The following IQCH variants were observed in gnomAD, a reference collection of about 807,000 sequenced individuals.
IQCH encodes IQ motif containing H.
A neutral mutation model predicts 117.0 loss-of-function variants in IQCH; 98 were observed. The ratio of observed to expected loss-of-function variants is 0.84; its 90% CI spans 0.71 to 0.99. The LOEUF (loss-of-function observed/expected upper bound fraction) is 0.99. IQCH is among the 50% of genes least tolerant of loss of function. The probability of loss-of-function intolerance (pLI) is 0.00; values close to 1 mark genes in which losing one functional copy is unlikely to be tolerated. For synonymous variants in IQCH, 412 were observed against 448.2 expected (o/e 0.92, Z 1.02); for missense variants, 1,102 against 1,243.8 (o/e 0.89, Z 1.72).
chr15:67,286,056 T>C (rs1251636483), intron 4 of IQCH, among the ~76,000 whole-genome samples: 1 of 152,214 alleles, frequency 6.6e-6, no homozygotes, highest in Admixed American at 6.5e-5. Flanking sequence ...TATTGATTCT[T>C]CCAATCCATG....
At chr15:67,415,387 G>A (rs1287528833) in intron 14 of IQCH, among the ~76,000 whole-genome samples, 1 of 152,162 alleles carries the variant, frequency 6.6e-6, no homozygotes, top group Non-Finnish European at 1.5e-5. Flanking sequence ...CCTGAGCTGA[G>A]TGTGAGCCAG....
chr15:67,329,235 G>A (rs1968550234), intron 4 of IQCH, among the ~76,000 whole-genome samples: 1 of 151,562 alleles, frequency 6.6e-6, no homozygotes, highest in Non-Finnish European at 1.5e-5. Context: ...GGAGGTCGAG[G>A]CTGTAGTGAG....
intron 3 of IQCH, among the ~76,000 whole-genome samples, chr15:67,271,145 T>G (rs1240561873): frequency 1.3e-5 from 2 of 152,178 alleles, no homozygotes; most frequent in Non-Finnish European, 2.9e-5. Context: ...ATTTTTTGTA[T>G]TTTTAGTAGA....
intron 4 of IQCH, among the ~76,000 whole-genome samples, chr15:67,304,716 T>G (rs1036900042): frequency 6.6e-5 from 10 of 152,108 alleles, no homozygotes; most frequent in African/African-American, 2.4e-4. Flanking sequence ...GTACCATAAT[T>G]TTAACGAGGA....
chr15:67,376,750 A>G lies in IQCH; in HGVS notation c.1372+3317A>G, dbSNP rs1303273083. Among the ~76,000 whole-genome samples, 1 of 152,260 alleles carries G rather than the reference A, an allele frequency of 6.6e-6. No homozygotes were observed. The highest frequency in any genetic ancestry group is 2.4e-5 in the African/African-American group (1 of 41,472). Reference sequence around the variant, plus strand: ...TAATGTTTTTGACCACAAAATATTTATAAAGTATTTTAAAATCTGTGGCTT... The same window carrying G: ...TAATGTTTTTGACCACAAAATATTTGTAAAGTATTTTAAAATCTGTGGCTT... On this transcript the variant is annotated intron_variant, in intron 10 of 20. Transcript: ENST00000335894. The surrounding 1 kb of genome is among the most constrained non-coding windows in gnomAD (Gnocchi z 5.0).
chr15:67,379,699 A>ACTTCCCCCCTC (rs1157229699), intron 10 of IQCH, among the ~76,000 whole-genome samples: 1 of 152,106 alleles, frequency 6.6e-6, no homozygotes, highest in Non-Finnish European at 1.5e-5. Flanking sequence ...AAAGTGTGGC[A>ACTTCCCCCCTC]CTTCCCCCCT....
intron 18 of IQCH, 57 bp from the exon 19 acceptor site, chr15:67,489,946 T>G: frequency 9.2e-6 from 11 of 1,191,372 alleles, no homozygotes; most frequent in Non-Finnish European, 1.4e-5. Context: ...TAACATTTTC[T>G]GTACTTTGTT....
At position 67,396,225 on chromosome 15, in the gene IQCH, C is replaced by CT. The variant is rs549723625; in HGVS notation, c.1905+663dup. On this transcript the variant is annotated intron_variant, in intron 13 of 20. Coordinates refer to ENST00000335894, the MANE Select transcript of IQCH (RefSeq NM_001031715.3). ...CGCTAAAAGCAGTGGGTTTGGAAAA[C>CT]TCCAGTGAGTGAGCCTCCCCACTGG... is the stretch of plus-strand genomic sequence containing the variant. Among the ~76,000 whole-genome samples, 23 of 152,252 alleles carry CT rather than the reference C, an allele frequency of 1.5e-4. No individual in the cohort carries two copies. In the East Asian group the frequency reaches 4.2e-3, roughly 28 times the overall value.
chr15:67,414,274 T>C (rs2081520082), intron 14 of IQCH, among the ~76,000 whole-genome samples: 1 of 152,238 alleles, frequency 6.6e-6, no homozygotes, highest in Non-Finnish European at 1.5e-5. Flanking sequence ...TTCCCTGTGC[T>C]GGGCACTGGG....
chr15:67,442,731 C>A (rs550080352), intron 16 of IQCH, among the ~76,000 whole-genome samples: 1 of 152,098 alleles, frequency 6.6e-6, no homozygotes, highest in Admixed American at 6.6e-5. Flanking sequence ...CTTGCACATG[C>A]ATATTTATAG....
chr15:67,395,002 C>T lies in IQCH; in HGVS notation c.1633-289C>T, dbSNP rs570001488. Among the ~76,000 whole-genome samples, 9 of 152,226 alleles carry T rather than the reference C, an allele frequency of 5.9e-5. No individual in the cohort carries two copies. The highest frequency in any genetic ancestry group is 5.9e-4 in the Admixed American group (9 of 15,284). On this transcript the variant is annotated intron_variant, in intron 12 of 20. Transcript: ENST00000335894. This position sits in a 1 kb window ranked among gnomAD's most constrained non-coding sequence, Gnocchi z 4.0. ...ATGACTTGCTATTACCCAAAGGCCG[C>T]CAGCCTCTTTTCCTTCTGACAGAAG...
At position 67,376,775 on chromosome 15, in the gene IQCH, T is replaced by G. The variant is rs1970749462; in HGVS notation, c.1372+3342T>G. Among the ~76,000 whole-genome samples the G allele has an allele frequency of 3.3e-5, 5 of 152,160 alleles. No individual in the cohort carries two copies. Among genetic ancestry groups the G allele is most frequent in the Admixed American group, 3.3e-4 (5 of 15,264 alleles). On this transcript the variant is annotated intron_variant, in intron 10 of 20. Transcript: ENST00000335894. This position sits in a 1 kb window ranked among gnomAD's most constrained non-coding sequence, Gnocchi z 5.0. Reference sequence around the variant, plus strand: ...ATAAAGTATTTTAAAATCTGTGGCTTGGTAATATGAACAGTAAGACAATTA... The same window carrying G: ...ATAAAGTATTTTAAAATCTGTGGCTGGGTAATATGAACAGTAAGACAATTA...
chr15:67,323,344 G>A (rs771750814), intron 4 of IQCH, among the ~76,000 whole-genome samples: 8 of 145,614 alleles, frequency 5.5e-5, no homozygotes, highest in Non-Finnish European at 1.2e-4. Context: ...CCAGGTTCAC[G>A]CCATTCTCCT....
rs1168771575 is a variant in IQCH, at chr15:67,467,889, A to G, written c.2676+2592A>G. On this transcript the variant is annotated intron_variant, in intron 17 of 20. Transcript: ENST00000335894. This position sits in a 1 kb window ranked among gnomAD's most constrained non-coding sequence, Gnocchi z 5.7. The stretch of plus-strand genomic sequence containing the variant: ...AGTGTGGGCCCTTTTCTTTAATAAT[A>G]TGCTATATAGAAGGAAAGCAAACAC... Among the ~76,000 whole-genome samples the G allele has an allele frequency of 6.6e-6, 1 of 152,200 alleles. No individual in the cohort carries two copies. The highest frequency in any genetic ancestry group is 1.9e-4 in the East Asian group (1 of 5,198).
intron 4 of IQCH, among the ~76,000 whole-genome samples, chr15:67,334,964 A>G (rs970122241): frequency 6.6e-6 from 1 of 152,178 alleles, no homozygotes; most frequent in African/African-American, 2.4e-5. Context: ...GGAAGAGGAC[A>G]GCAGAGTGGA....
In IQCH at chr15:67,431,135, A is replaced by T. The variant is rs1438439532; in HGVS notation, c.2505+9558A>T. ...AGTGGTGGGAAAAAGCACAGAACAC[A>T]TATGGATAAAAATGATGATCTAAGT... On this transcript the variant is annotated intron_variant, in intron 16 of 20. Transcript: ENST00000335894. This position sits in a 1 kb window ranked among gnomAD's most constrained non-coding sequence, Gnocchi z 4.8. Among the ~76,000 whole-genome samples, 2 of 151,974 alleles carry T rather than the reference A, an allele frequency of 1.3e-5. No individual in the cohort carries two copies. Among genetic ancestry groups the T allele is most frequent in the Non-Finnish European group, 2.9e-5 (2 of 67,964 alleles).
rs1304883780 is a variant in IQCH at position 67,343,144 on chromosome 15, T to A, written c.509-919T>A. On this transcript the variant is annotated intron_variant, in intron 5 of 20. Coordinates refer to ENST00000335894, the MANE Select transcript of IQCH (RefSeq NM_001031715.3). The stretch of plus-strand genomic sequence containing the variant: ...ATAAGGTAAATAGAAATAGCATTGG[T>A]CCCTCTTAGAAGGGACCAAGTTGTG... 2.6e-5 allele frequency among the ~76,000 whole-genome samples: 4 copies of A among 152,158 alleles called. No individual in the cohort carries two copies. In the East Asian group the frequency reaches 7.7e-4, roughly 29 times the overall value.
chr15:67,478,738 ACATGGTGAAACCC>A (rs1322667985), intron 18 of IQCH, among the ~76,000 whole-genome samples: 2 of 152,048 alleles, frequency 1.3e-5, no homozygotes, highest in African/African-American at 4.8e-5. Context: ...ATCCTGGCCA[ACATGGTGAAACCC>A]CGTCTGTACT....
At chr15:67,410,500 ATTCTCAGAAGAGCATAAAGCTGCT>A (rs1407072343) in intron 14 of IQCH, among the ~76,000 whole-genome samples, 1 of 152,234 alleles carries the variant, frequency 6.6e-6, no homozygotes, top group Non-Finnish European at 1.5e-5. Context: ...ATCTGGTAGC[ATTCTCAGAAGAGCATAAAGCTGCT>A]TTCTCAGAAG....
Sources: allele counts gnomAD v4.1 joint callset (sites outside exome capture counted in the v4.1 genomes callset), GRCh38; gene constraint gnomAD v4.1.1; non-coding constraint Gnocchi (gnomAD v3.1); transcripts MANE v1.5; gene names NCBI Gene and HGNC (gene_info 2026-07-23, HGNC 2026-07-21).